Variants in ATP8B4 observed in about 807,000 individuals in gnomAD.
The protein encoded by ATP8B4 is probable phospholipid-transporting ATPase IM.
In ATP8B4, 133 loss-of-function variants were observed where a neutral mutation model predicts 145.6. The ratio of observed to expected loss-of-function variants is 0.91; its 90% CI spans 0.79 to 1.05. The LOEUF (loss-of-function observed/expected upper bound fraction) is 1.05, where lower values mean the gene tolerates loss of function less well. ATP8B4 is among the 50% of genes least tolerant of loss of function. The pLI, the probability that ATP8B4 is intolerant of heterozygous loss-of-function variation, is 0.00. For synonymous variants in ATP8B4, 507 were observed against 492.9 expected (o/e 1.03, Z -0.38); for missense variants, 1,458 against 1,425.2 (o/e 1.02, Z -0.37).
chr15:49,866,507 A>C (rs546369585), intron 25 of ATP8B4, 23 bp from the exon 26 acceptor site: 1 of 1,611,320 alleles, frequency 6.2e-7, no homozygotes, highest in East Asian at 2.2e-5. Flanking sequence ...TCAAATGCAA[A>C]CGGGAGGTCT....
intron 20 of ATP8B4, among the ~76,000 whole-genome samples, chr15:49,909,722 CAAAAAAAAAAAA>C (rs995336781): frequency 9.7e-5 from 7 of 72,026 alleles, no homozygotes; most frequent in Non-Finnish European, 1.1e-4. Flanking sequence ...CTTTGTTTAC[CAAAAAAAAAAAA>C]AAAAAAAAAA....
chr15:49,975,002 T>C lies in ATP8B4; in HGVS notation c.1035-2212A>G, dbSNP rs149243360. Among the ~76,000 whole-genome samples, 107 of 152,316 alleles carry C rather than the reference T, an allele frequency of 7.0e-4. 1 individual carries two copies. Among genetic ancestry groups the C allele is most frequent in the African/African-American group, 2.5e-3 (102 of 41,580 alleles). On this transcript the variant is annotated intron_variant, in intron 12 of 27. Transcript: ENST00000284509. Reference sequence around the variant, plus strand: ...CGTACAAGAAACAAAATCACCTTTATTCTCTTCCTCTTCAAAAATTCTTAA... The same window carrying C: ...CGTACAAGAAACAAAATCACCTTTACTCTCTTCCTCTTCAAAAATTCTTAA...
rs58363112 is a variant in ATP8B4, at chr15:50,029,238, T to TAA, written c.362+9528_362+9529dup. Among the ~76,000 whole-genome samples, 124 of 76,606 alleles carry TAA rather than the reference T, an allele frequency of 1.6e-3. 3 individuals are homozygous for TAA. The highest frequency in any genetic ancestry group is 2.0e-3 in the Admixed American group (13 of 6,662). The allele number at this position is 76,606 out of a possible 152,430, so 50.3% of individuals were successfully genotyped here. A position where few individuals can be genotyped will look rare whatever the true frequency, so the allele number is the denominator to read the frequency against. ...CTGGCAACAGAGCAAGACTCCATCT[T>TAA]AAAAAAAAAAAAAAAAAAACAGAAA... On this transcript the variant is annotated intron_variant, in intron 6 of 27. Coordinates refer to ENST00000284509, the MANE Select transcript of ATP8B4 (RefSeq NM_024837.4).
intron 1 of ATP8B4, among the ~76,000 whole-genome samples, chr15:50,109,870 C>A (rs1324606121): frequency 6.6e-6 from 1 of 152,106 alleles, no homozygotes; most frequent in Non-Finnish European, 1.5e-5. Context: ...GTAACCTCTT[C>A]TCTATCTTAT....
intron 6 of ATP8B4, among the ~76,000 whole-genome samples, chr15:50,034,717 G>A (rs976028425): frequency 2.0e-5 from 3 of 152,224 alleles, no homozygotes; most frequent in Non-Finnish European, 2.9e-5. Context: ...TGGGATGTGG[G>A]TATTTTTTAA....
chr15:50,066,747 A>G lies in ATP8B4; in HGVS notation c.87+7380T>C, dbSNP rs190026136. 9.5e-4 allele frequency among the ~76,000 whole-genome samples: 144 copies of G among 152,276 alleles called. 1 individual carries two copies. The highest frequency in any genetic ancestry group is 1.1e-3 in the Non-Finnish European group (72 of 68,004). On this transcript the variant is annotated intron_variant, in intron 3 of 27. Transcript: ENST00000284509. Reference sequence around the variant, plus strand: ...GTTTCTCTTCTCTTTATTGCAAGCTATTAATTGAATTAGCTCTACCCCACC... The same window carrying G: ...GTTTCTCTTCTCTTTATTGCAAGCTGTTAATTGAATTAGCTCTACCCCACC...
Position 50,154,164 on chromosome 15 carries a change from T to C in ATP8B4, c.-43+28097A>G, listed in dbSNP as rs561183489. ...TGCTGAAACTTTCTGCTTTGTCCTA[T>C]ACTTTCTCTTTCATGAATAACTAAT... On this transcript the variant is annotated intron_variant, in intron 1 of 3. Transcript: ENST00000558829. Among the ~76,000 whole-genome samples, 7 of 152,310 alleles carry C rather than the reference T, an allele frequency of 4.6e-5. No individual in the cohort carries two copies. The East Asian group carries it at 9.6e-4, about 21-fold the overall frequency.
chr15:50,035,077 T>C (rs1022646085), intron 6 of ATP8B4, among the ~76,000 whole-genome samples: 10 of 152,164 alleles, frequency 6.6e-5, no homozygotes, highest in African/African-American at 2.4e-4. Context: ...ACCCATTTCT[T>C]AAGCACTTTC....
chr15:49,861,393 TA>T lies in ATP8B4; in HGVS notation c.3297+851del, dbSNP rs1327128745. Among the ~76,000 whole-genome samples, 11 of 143,468 alleles carry T rather than the reference TA, an allele frequency of 7.7e-5. No individual in the cohort carries two copies. The South Asian group carries it at 9.0e-4, about 12-fold the overall frequency. The allele number at this position is 143,468 out of a possible 152,430, so 94.1% of individuals were successfully genotyped here. On this transcript the variant is annotated intron_variant, in intron 27 of 27. Coordinates refer to ENST00000284509, the MANE Select transcript of ATP8B4 (RefSeq NM_024837.4). ...CCCAAAATGTCAGAGACATCATGAT[TA>T]AAAAAAAATGTGTGTGTGTGTGTGT...
intron 6 of ATP8B4, among the ~76,000 whole-genome samples, chr15:50,014,559 A>G (rs140630590): frequency 5.3e-4 from 80 of 152,320 alleles, no homozygotes; most frequent in African/African-American, 1.8e-3. Context: ...TCATGTATAG[A>G]GCGCCAAATA....
intron 1 of ATP8B4, among the ~76,000 whole-genome samples, chr15:50,149,414 G>A (rs529115208): frequency 6.6e-6 from 1 of 152,290 alleles, no homozygotes; most frequent in South Asian, 2.1e-4. Context: ...TGGTTAAACA[G>A]TTTATAAGGA....
chr15:50,037,552 A>G (rs1417502432), intron 6 of ATP8B4, among the ~76,000 whole-genome samples: 1 of 152,230 alleles, frequency 6.6e-6, no homozygotes, highest in Non-Finnish European at 1.5e-5. Flanking sequence ...ACAGATATTA[A>G]AAACTTCCCC....
At chr15:49,968,305 G>GC (rs1326122228) in intron 13 of ATP8B4, among the ~76,000 whole-genome samples, 3 of 152,280 alleles carry the variant, frequency 2.0e-5, no homozygotes, top group Middle Eastern at 3.4e-3. Flanking sequence ...TGGGCTAAAT[G>GC]CCCCAATTAA....
chr15:49,932,413 CA>C (rs2041351953), intron 15 of ATP8B4, among the ~76,000 whole-genome samples: 1 of 151,840 alleles, frequency 6.6e-6, no homozygotes, highest in African/African-American at 2.4e-5. Context: ...ATACAATAGA[CA>C]TGAATGAATT....
chr15:49,979,489 CAG>C (rs2045971316), intron 12 of ATP8B4, 126 bp downstream of exon 12: 1 of 668,450 alleles, frequency 1.5e-6, no homozygotes, highest in African/African-American at 1.8e-5. Flanking sequence ...CCATTTGTAA[CAG>C]ATGTTGCAGA....
At chr15:49,969,814 A>T (rs927671493) in intron 13 of ATP8B4, among the ~76,000 whole-genome samples, 3 of 152,212 alleles carry the variant, frequency 2.0e-5, no homozygotes, top group African/African-American at 7.2e-5. Context: ...GAAGAGACAC[A>T]ACAAAAAAAG....
chr15:49,982,188 T>C (rs938680287), intron 10 of ATP8B4, among the ~76,000 whole-genome samples: 1 of 152,086 alleles, frequency 6.6e-6, no homozygotes, highest in Non-Finnish European at 1.5e-5. Flanking sequence ...CCCAAAATTA[T>C]ATACCACTCC....
At chr15:49,957,948 G>C (rs1263987727) in intron 14 of ATP8B4, among the ~76,000 whole-genome samples, 2 of 151,680 alleles carry the variant, frequency 1.3e-5, no homozygotes, top group Admixed American at 6.6e-5. Flanking sequence ...CTTAAGAACA[G>C]AGAATACAAG....
At chr15:50,134,166 G>T (rs2044089434) in intron 1 of ATP8B4, among the ~76,000 whole-genome samples, 1 of 151,982 alleles carries the variant, frequency 6.6e-6, no homozygotes, top group Non-Finnish European at 1.5e-5. Flanking sequence ...ATGTAAGAAT[G>T]ATAGACTGTC....
Sources: gnomAD v4.1 joint callset for allele counts (sites outside exome capture counted in the v4.1 genomes callset) on GRCh38, gnomAD v4.1.1 for gene constraint, MANE v1.5 for transcripts, NCBI Gene and HGNC (gene_info 2026-07-23, HGNC 2026-07-21) for gene names.